Variants in SRGAP1 observed in about 807,000 individuals in gnomAD.
SRGAP1 encodes the protein SLIT-ROBO Rho GTPase-activating protein 1.
Under a neutral mutation model 121.9 loss-of-function variants are expected in SRGAP1, and 43 were observed. The observed-to-expected ratio is 0.35, with a 90% CI of 0.28 to 0.46. The LOEUF (loss-of-function observed/expected upper bound fraction) is 0.46, where lower values mean the gene tolerates loss of function less well. Among genes scored for constraint, SRGAP1 ranks in the 20% least tolerant of loss-of-function variants. SRGAP1 has a pLI of 1.00. For synonymous variants in SRGAP1, 447 were observed against 485.4 expected (o/e 0.92, Z 1.04); for missense variants, 1,102 against 1,350.9 (o/e 0.82, Z 2.89).
Position 64,146,210 on chromosome 12 carries a change from C to T in SRGAP1, c.*3538C>T, listed in dbSNP as rs979614240. On this transcript the variant is annotated 3_prime_UTR_variant, in exon 22 of 22. Transcript: ENST00000355086. ...ACCATTCAACAGCTTTGCACATCTTCGTACAACATAATCTGGCTTTGGTGC... is the reference window on the plus strand; with the variant it reads ...ACCATTCAACAGCTTTGCACATCTTTGTACAACATAATCTGGCTTTGGTGC... 3 of 152,202 alleles carry T rather than the reference C, an allele frequency of 2.0e-5. No homozygotes were observed. Among genetic ancestry groups the T allele is most frequent in the Admixed American group, 6.5e-5 (1 of 15,284 alleles). 9.4% of individuals were successfully genotyped at this position (152,202 alleles called of 1,614,324 possible). A position where few individuals can be genotyped will look rare whatever the true frequency, so the allele number is the denominator to read the frequency against.
chr12:64,030,850 T>C (rs891775366), intron 4 of SRGAP1, among the ~76,000 whole-genome samples: 2 of 152,330 alleles, frequency 1.3e-5, no homozygotes, highest in Non-Finnish European at 2.9e-5. Flanking sequence ...TTTCTAGATA[T>C]AATTTCTGTT....
At chr12:64,065,086 C>G (rs1236039249) in intron 7 of SRGAP1, 32 bp from the exon 8 acceptor site, 2 of 1,562,116 alleles carry the variant, frequency 1.3e-6, no homozygotes, top group East Asian at 4.6e-5. Context: ...TTGATGGTGC[C>G]CTGTTGTAAC....
chr12:64,013,598 A>G (rs2034315459), intron 3 of SRGAP1, among the ~76,000 whole-genome samples: 2 of 152,156 alleles, frequency 1.3e-5, no homozygotes, highest in Admixed American at 1.3e-4. Flanking sequence ...CTCCACAACA[A>G]CTTTTCACAA....
intron 1 of SRGAP1, among the ~76,000 whole-genome samples, chr12:63,965,510 A>G (rs562835585): frequency 1.1e-3 from 172 of 151,998 alleles, no homozygotes; most frequent in African/African-American, 4.0e-3. Context: ...ATTTACATTA[A>G]AAAAAATACA....
In SRGAP1 at chr12:64,043,456, A is replaced by G. The variant is rs768041384; in HGVS notation, c.682A>G (p.Lys228Glu). The G allele has an allele frequency of 1.2e-6, 2 of 1,610,310 alleles. No individual in the cohort carries two copies. The highest frequency in any genetic ancestry group is 2.2e-5 in the South Asian group (2 of 89,800). The change falls in exon 6 of 22, where the codon AAA becomes GAA. Residue 228 changes from lysine to glutamate, a missense_variant. By Grantham distance (56) the Lys-to-Glu change is moderately conservative (BLOSUM62 1). Coordinates refer to ENST00000355086, the MANE Select transcript of SRGAP1 (RefSeq NM_020762.4). ...ATCTTCTTCATTCCAGAGACAAGCA[A>G]AATATTCAGAAAATAAGCTAAAATC... is the stretch of plus-strand genomic sequence containing the variant. ...IEKMKEKRQA[K>E]YSENKLKSIK...
At chr12:63,851,333 C>T (rs574338865) in intron 1 of SRGAP1, among the ~76,000 whole-genome samples, 7 of 151,386 alleles carry the variant, frequency 4.6e-5, no homozygotes, top group African/African-American at 2.4e-5. Context: ...TGGCTCACAC[C>T]TGTAATCTCA....
chr12:64,049,764 T>A (rs1287140004), intron 6 of SRGAP1, among the ~76,000 whole-genome samples: 1 of 152,184 alleles, frequency 6.6e-6, no homozygotes, highest in East Asian at 1.9e-4. Context: ...TTACTATAGC[T>A]TTTGTTACTA....
At chr12:63,884,709 C>A (rs1900313821) in intron 1 of SRGAP1, among the ~76,000 whole-genome samples, 1 of 150,664 alleles carries the variant, frequency 6.6e-6, no homozygotes. Flanking sequence ...AGTCTCTGGT[C>A]ACCACCATTC....
At position 64,083,927 on chromosome 12, in the gene SRGAP1, A is replaced by G. The variant is rs912593892; in HGVS notation, c.1409-3072A>G. ...TCATACAATCCATTGTCTGTCTTTG[A>G]GTAGGAGTACAAGTATACTTTCAAA... On this transcript the variant is annotated intron_variant, in intron 10 of 21. Transcript: ENST00000355086. Among the ~76,000 whole-genome samples, 6 of 152,234 alleles carry G rather than the reference A, an allele frequency of 3.9e-5. 1 individual carries two copies. The highest frequency in any genetic ancestry group is 3.9e-4 in the Admixed American group (6 of 15,278).
chr12:64,118,722 T>TTTAG (rs1423827431), intron 18 of SRGAP1, among the ~76,000 whole-genome samples: 1 of 151,908 alleles, frequency 6.6e-6, no homozygotes, highest in African/African-American at 2.4e-5. Context: ...TATTTATTTA[T>TTTAG]TTATTTATTT....
At chr12:64,091,930 T>A (rs1486554213) in intron 12 of SRGAP1, 2 of 1,535,650 alleles carry the variant, frequency 1.3e-6, no homozygotes, top group East Asian at 4.9e-5. Context: ...ACATCAGGTA[T>A]AGTGCTAGAG....
At chr12:64,050,457 TA>T (rs2035217140) in intron 6 of SRGAP1, among the ~76,000 whole-genome samples, 1 of 172 alleles carries the variant, frequency 5.8e-3, no homozygotes, top group Non-Finnish European at 0.013. Context: ...TCTATGTCCC[TA>T]TATATACACA....
At chr12:64,130,599 C>G (rs1262957855) in intron 21 of SRGAP1, among the ~76,000 whole-genome samples, 3 of 152,144 alleles carry the variant, frequency 2.0e-5, no homozygotes, top group Non-Finnish European at 4.4e-5. Flanking sequence ...GTTGGTGTTG[C>G]AATTGTGACA....
At chr12:64,138,386 C>T (rs1190353091) in intron 21 of SRGAP1, among the ~76,000 whole-genome samples, 2 of 151,478 alleles carry the variant, frequency 1.3e-5, no homozygotes, top group African/African-American at 4.9e-5. Flanking sequence ...GGGGCACACT[C>T]CACCTTTTTG....
At chr12:63,979,304 C>T (rs1480145634) in intron 1 of SRGAP1, among the ~76,000 whole-genome samples, 1 of 152,138 alleles carries the variant, frequency 6.6e-6, no homozygotes, top group African/African-American at 2.4e-5. Context: ...TCCCAAAGTG[C>T]TGGGATTACA....
intron 1 of SRGAP1, among the ~76,000 whole-genome samples, chr12:63,924,857 C>T (rs1161136852): frequency 6.6e-6 from 1 of 152,118 alleles, no homozygotes; most frequent in Non-Finnish European, 1.5e-5. Context: ...CTCAGCAGTG[C>T]CTGGCACATA....
At chr12:63,989,406 A>T (rs2033496871) in intron 2 of SRGAP1, among the ~76,000 whole-genome samples, 1 of 152,172 alleles carries the variant, frequency 6.6e-6, no homozygotes, top group Non-Finnish European at 1.5e-5. Context: ...ACTGGAGGTT[A>T]TGTATCAGGG....
chr12:64,038,233 A>G (rs975855012), intron 4 of SRGAP1, among the ~76,000 whole-genome samples: 5 of 152,232 alleles, frequency 3.3e-5, no homozygotes, highest in African/African-American at 9.6e-5. Flanking sequence ...AGTGAGCATT[A>G]TATAATGCTT....
chr12:64,000,692 T>C (rs867769002), intron 3 of SRGAP1, among the ~76,000 whole-genome samples: 5 of 152,270 alleles, frequency 3.3e-5, no homozygotes, highest in Middle Eastern at 3.4e-3. Flanking sequence ...ACAGGTGTAA[T>C]TGATTGATCC....
Sources: gnomAD v4.1 joint callset for allele counts (sites outside exome capture counted in the v4.1 genomes callset) on GRCh38, gnomAD v4.1.1 for gene constraint, MANE v1.5 for transcripts, NCBI Gene and HGNC (gene_info 2026-07-23, HGNC 2026-07-21) for gene names.